NAA15: variants seen among roughly 807,000 people sequenced by gnomAD.
NAA15 encodes N-alpha-acetyltransferase 15, NatA auxiliary subunit, also known as N-terminal acetyltransferase.
A neutral mutation model predicts 114.0 loss-of-function variants in NAA15; 34 were observed. The observed-to-expected ratio is 0.30, with a 90% CI of 0.23 to 0.40. The LOEUF is 0.40. NAA15 is among the 10% of genes least tolerant of loss of function. The pLI, the probability that NAA15 is intolerant of heterozygous loss-of-function variation, is 1.00. For missense variants in NAA15, 658 were observed against 1,004.5 expected (o/e 0.66, Z 4.66); for synonymous variants, 340 against 338.0 (o/e 1.01, Z -0.06).
At position 139,309,058 on chromosome 4, in the gene NAA15, C is replaced by T. The variant is rs374425973; in HGVS notation, c.54+7227C>T. Among the ~76,000 whole-genome samples the T allele has an allele frequency of 1.3e-4, 20 of 151,730 alleles. No homozygotes were observed. In the East Asian group the frequency reaches 3.5e-3, roughly 27 times the overall value. On this transcript the variant is annotated intron_variant, in intron 1 of 19. Coordinates refer to ENST00000296543, the MANE Select transcript of NAA15 (RefSeq NM_057175.5). ...TACAAAATGATTTTTCTGTAAAAAT[C>T]GAGTGAGGGCCGGGCACAGTGGCTC...
intron 6 of NAA15, among the ~76,000 whole-genome samples, chr4:139,347,511 A>G (rs1231101037): frequency 6.6e-6 from 1 of 152,140 alleles, no homozygotes; most frequent in Non-Finnish European, 1.5e-5. Flanking sequence ...GTTGGCTTAC[A>G]TCTGTAGTCC....
chr4:139,374,451 C>A (rs950858597), intron 15 of NAA15, among the ~76,000 whole-genome samples: 1 of 152,130 alleles, frequency 6.6e-6, no homozygotes, highest in Non-Finnish European at 1.5e-5. Flanking sequence ...CATTTCAGTT[C>A]TTGTGTGCTT....
intron 3 of NAA15, among the ~76,000 whole-genome samples, chr4:139,339,323 C>T (rs1005528512): frequency 6.6e-5 from 10 of 152,118 alleles, no homozygotes; most frequent in Non-Finnish European, 1.2e-4. Context: ...AGTGAGACCT[C>T]GTCTCTATGG....
At chr4:139,346,978 G>T (rs1207842861) in intron 6 of NAA15, among the ~76,000 whole-genome samples, 2 of 152,134 alleles carry the variant, frequency 1.3e-5, no homozygotes, top group African/African-American at 4.8e-5. Flanking sequence ...GTCTTGCTGT[G>T]TTGCCTAGTC....
Position 139,390,111 on chromosome 4 carries a change from A to G in NAA15, c.*2027A>G, listed in dbSNP as rs920795908. ...GAATTTTGTTTAAACTCTACTGTAT[A>G]TTGAAATGAAATTCATTTATTTGTC... On this transcript the variant is annotated 3_prime_UTR_variant, in exon 20 of 20. Coordinates refer to ENST00000296543, the MANE Select transcript of NAA15 (RefSeq NM_057175.5). 3 of 152,656 alleles carry G rather than the reference A, an allele frequency of 2.0e-5. No individual in the cohort carries two copies. Among genetic ancestry groups the G allele is most frequent in the African/African-American group, 7.2e-5 (3 of 41,464 alleles). 9.5% of individuals were successfully genotyped at this position (152,656 alleles called of 1,614,324 possible). A position where few individuals can be genotyped will look rare whatever the true frequency, so the allele number is the denominator to read the frequency against.
chr4:139,334,967 A>G (rs554430822), intron 2 of NAA15, among the ~76,000 whole-genome samples: 1 of 151,840 alleles, frequency 6.6e-6, no homozygotes, highest in South Asian at 2.1e-4. Flanking sequence ...GTTTCACTTT[A>G]TACTTTCTTT....
chr4:139,319,821 C>T (rs1194823569), intron 1 of NAA15, among the ~76,000 whole-genome samples: 1 of 152,238 alleles, frequency 6.6e-6, no homozygotes, highest in Admixed American at 6.5e-5. Context: ...TGCACTGTGC[C>T]TGGCGACTGA....
intron 2 of NAA15, among the ~76,000 whole-genome samples, chr4:139,336,029 G>GA (rs1165395724): frequency 3.3e-5 from 5 of 152,188 alleles, no homozygotes; most frequent in African/African-American, 9.6e-5. Context: ...GAAGTCTTGA[G>GA]ATTACAGGTG....
chr4:139,359,252 C>A (rs540161420), intron 11 of NAA15, among the ~76,000 whole-genome samples: 1 of 152,116 alleles, frequency 6.6e-6, no homozygotes, highest in Admixed American at 6.5e-5. Flanking sequence ...CCTCAGCCTT[C>A]CAAGTAGCTG....
intron 4 of NAA15, 150 bp from the exon 5 acceptor site, chr4:139,342,676 T>G (rs1747448284): frequency 1.7e-6 from 1 of 574,868 alleles, no homozygotes; most frequent in Admixed American, 3.0e-5. Context: ...TCTCGATCTC[T>G]TGACCTCGTG....
chr4:139,345,116 A>G (rs1478692273), intron 6 of NAA15, among the ~76,000 whole-genome samples: 2 of 152,236 alleles, frequency 1.3e-5, no homozygotes, highest in African/African-American at 4.8e-5. Flanking sequence ...TTGAACACAA[A>G]AAGTATAATA....
intron 1 of NAA15, among the ~76,000 whole-genome samples, chr4:139,314,990 G>C (rs143430894): frequency 1.5e-5 from 1 of 67,184 alleles, no homozygotes; most frequent in African/African-American, 7.6e-5. Flanking sequence ...GAAGCGTTCA[G>C]TTCAGTTCAG....
At chr4:139,351,082 T>A in intron 7 of NAA15, 109 bp from the exon 8 acceptor site, 1 of 511,522 alleles carries the variant, frequency 2.0e-6, no homozygotes, top group East Asian at 3.2e-5. Flanking sequence ...ATAATTCCAA[T>A]TTTCTTTTAA....
chr4:139,379,733 T>G (rs933339951), intron 17 of NAA15, among the ~76,000 whole-genome samples: 2 of 152,190 alleles, frequency 1.3e-5, no homozygotes, highest in African/African-American at 4.8e-5. Context: ...AAAAAAATGC[T>G]AAATTGTCCC....
At chr4:139,336,818 GTTCCTT>G (rs1747215940) in intron 2 of NAA15, 24 bp from the exon 3 acceptor site, 1 of 1,314,098 alleles carries the variant, frequency 7.6e-7, no homozygotes, top group Non-Finnish European at 1.0e-6. Context: ...TTTTTAAAAT[GTTCCTT>G]TTCTTCTTTG....
chr4:139,348,413 A>T (rs1747670334), intron 6 of NAA15, among the ~76,000 whole-genome samples: 1 of 150,586 alleles, frequency 6.6e-6, no homozygotes, highest in Non-Finnish European at 1.5e-5. Flanking sequence ...CGATCGCACC[A>T]CTGCACTCCA....
At chr4:139,349,831 A>G (rs1319162805) in intron 7 of NAA15, among the ~76,000 whole-genome samples, 1 of 151,976 alleles carries the variant, frequency 6.6e-6, no homozygotes, top group East Asian at 1.9e-4. Flanking sequence ...CTAAAATACA[A>G]AAAATTAGCC....
chr4:139,304,008 C>T lies in NAA15; in HGVS notation c.54+2177C>T, dbSNP rs6836850. Among the ~76,000 whole-genome samples the T allele has an allele frequency of 7.6e-3, 1,162 of 152,224 alleles. 10 individuals are homozygous for T. The highest frequency in any genetic ancestry group is 0.023 in the African/African-American group (959 of 41,536). On this transcript the variant is annotated intron_variant, in intron 1 of 19. Coordinates refer to ENST00000296543, the MANE Select transcript of NAA15 (RefSeq NM_057175.5). ...TCTCGGCTCACTGCAAGCTCCGCCT[C>T]CTGGGTTGACGCCATTCTCCTGCCT...
chr4:139,351,242 C>T lies in NAA15; in HGVS notation c.863C>T (p.Pro288Leu), dbSNP rs778741013. The T allele has an allele frequency of 6.2e-7, 1 of 1,609,870 alleles. No individual in the cohort carries two copies. Among genetic ancestry groups the T allele is most frequent in the Admixed American group, 1.7e-5 (1 of 59,906 alleles). Residue 288 changes from proline to leucine, a missense_variant, in exon 8 of 20, where the codon CCC (proline) becomes CTC (leucine). By Grantham distance (98) the Pro-to-Leu change is moderately conservative. Transcript: ENST00000296543. ...KIYEEAWTKYPRGLVPRRLPL... is the reference protein window; with the variant it reads ...KIYEEAWTKYLRGLVPRRLPL... ...TATGAGGAAGCCTGGACTAAATATC[C>T]CAGGGGACTGGTGCCAAGAAGGCTG... is the stretch of plus-strand genomic sequence containing the variant.
Sources: gnomAD v4.1 joint callset for allele counts (sites outside exome capture counted in the v4.1 genomes callset) on GRCh38, gnomAD v4.1.1 for gene constraint, MANE v1.5 for transcripts, NCBI Gene and HGNC (gene_info 2026-07-23, HGNC 2026-07-21) for gene names.